Variants in MOB3B observed in about 807,000 individuals in gnomAD.
The protein encoded by MOB3B is MOB kinase activator-like 2B.
MOB3B carries 7 observed loss-of-function variants against 18.7 expected under a neutral mutation model. The ratio of observed to expected loss-of-function variants is 0.37; its 90% CI spans 0.21 to 0.70. The LOEUF is 0.70. Among genes scored for constraint, MOB3B ranks in the 30% least tolerant of loss-of-function variants. The pLI is 0.52. For missense variants in MOB3B, 253 were observed against 281.3 expected (o/e 0.90, Z 0.72); for synonymous variants, 111 against 99.9 (o/e 1.11, Z -0.66).
At chr9:27,417,184 A>G (rs1822163883) in intron 2 of MOB3B, among the ~76,000 whole-genome samples, 1 of 152,140 alleles carries the variant, frequency 6.6e-6, no homozygotes, top group South Asian at 2.1e-4. Context: ...TAACACCGTG[A>G]AACCCCGTCT....
intron 2 of MOB3B, among the ~76,000 whole-genome samples, chr9:27,425,062 CA>C (rs1256192709): frequency 1.3e-5 from 2 of 152,148 alleles, no homozygotes; most frequent in Non-Finnish European, 2.9e-5. Context: ...GTTTTTGTTA[CA>C]GGAAAATCCT....
At chr9:27,396,929 T>C (rs948581756) in intron 2 of MOB3B, 1 of 152,240 alleles carries the variant, frequency 6.6e-6, no homozygotes, top group African/African-American at 2.4e-5. Context: ...TAATGACTTG[T>C]GCAAGGCCAA....
chr9:27,487,755 C>A (rs746207000), intron 1 of MOB3B, among the ~76,000 whole-genome samples: 1 of 152,178 alleles, frequency 6.6e-6, no homozygotes, highest in Non-Finnish European at 1.5e-5. Flanking sequence ...AATGACTCAA[C>A]TATTTCCATA....
chr9:27,490,619 GGGT>G (rs775378372), intron 1 of MOB3B, among the ~76,000 whole-genome samples: 14 of 152,258 alleles, frequency 9.2e-5, no homozygotes, highest in Non-Finnish European at 1.9e-4. Context: ...GAGGAACCTA[GGGT>G]GGCTCAGGAG....
rs1820498219 is a variant in MOB3B at position 27,529,535 on chromosome 9, T to A, written c.-199+20A>T. ...CCGGGCTGCGCCGCCTCCCCTAGCTTGGAGCGGGTTCTTACTCACCGTGGG... is the reference window on the plus strand; with the variant it reads ...CCGGGCTGCGCCGCCTCCCCTAGCTAGGAGCGGGTTCTTACTCACCGTGGG... On this transcript the variant is annotated intron_variant, in intron 1 of 3. Transcript: ENST00000262244. The A allele has an allele frequency of 4.1e-6, 4 of 984,938 alleles. No homozygotes were observed. The highest frequency in any genetic ancestry group is 6.1e-5 in the Admixed American group (1 of 16,268). The allele number at this position is 984,938 out of a possible 1,614,324, so 61.0% of individuals were successfully genotyped here. A position where few individuals can be genotyped will look rare whatever the true frequency, so the allele number is the denominator to read the frequency against.
At chr9:27,428,318 C>T (rs1822367826) in intron 2 of MOB3B, among the ~76,000 whole-genome samples, 1 of 152,128 alleles carries the variant, frequency 6.6e-6, no homozygotes, top group Admixed American at 6.6e-5. Flanking sequence ...GCAATATGAT[C>T]TCAGGCAGAG....
intron 1 of MOB3B, chr9:27,526,133 C>T (rs1587281330): frequency 6.6e-6 from 1 of 152,236 alleles, no homozygotes; most frequent in Non-Finnish European, 1.5e-5. Flanking sequence ...ATGCCACTAA[C>T]AGCATGCTGC....
At chr9:27,336,451 T>C (rs1338012227) in intron 3 of MOB3B, among the ~76,000 whole-genome samples, 2 of 151,950 alleles carry the variant, frequency 1.3e-5, no homozygotes, top group Admixed American at 6.5e-5. Context: ...AAACAAAAAA[T>C]AATCAAGGAA....
chr9:27,511,671 G>C (rs1255302211), intron 1 of MOB3B, among the ~76,000 whole-genome samples: 1 of 152,016 alleles, frequency 6.6e-6, no homozygotes, highest in African/African-American at 2.4e-5. Flanking sequence ...CATTTCAACA[G>C]TACTTCTACT....
intron 1 of MOB3B, among the ~76,000 whole-genome samples, chr9:27,478,699 G>A (rs541774125): frequency 5.2e-4 from 79 of 152,042 alleles, no homozygotes; most frequent in African/African-American, 1.6e-3. Context: ...GAAGGAGTAG[G>A]TTATGTGAGA....
intron 1 of MOB3B, among the ~76,000 whole-genome samples, chr9:27,474,976 C>T (rs1886593): frequency 0.25 from 37,798 of 152,112 alleles, 5,338 homozygotes; most frequent in South Asian, 0.4. Flanking sequence ...GAAGGCTGGA[C>T]CCAGAGACTG....
chr9:27,412,763 C>T (rs1468866213), intron 2 of MOB3B, among the ~76,000 whole-genome samples: 3 of 152,242 alleles, frequency 2.0e-5, no homozygotes, highest in African/African-American at 7.2e-5. Flanking sequence ...TGAACAGAAA[C>T]AGTGACCGTG....
chr9:27,369,312 T>G (rs1821381987), intron 2 of MOB3B, among the ~76,000 whole-genome samples: 1 of 152,228 alleles, frequency 6.6e-6, no homozygotes, highest in African/African-American at 2.4e-5. Context: ...AGTAGAATCT[T>G]TCTTCCATTA....
At chr9:27,489,349 GA>G (rs1251913948) in intron 1 of MOB3B, among the ~76,000 whole-genome samples, 1 of 152,046 alleles carries the variant, frequency 6.6e-6, no homozygotes, top group Non-Finnish European at 1.5e-5. Flanking sequence ...GCTTCTGTCA[GA>G]CCTTAGACTT....
intron 1 of MOB3B, among the ~76,000 whole-genome samples, chr9:27,480,508 G>C (rs1819633783): frequency 6.6e-6 from 1 of 152,130 alleles, no homozygotes; most frequent in Non-Finnish European, 1.5e-5. Flanking sequence ...CACAATGTTA[G>C]CCAGGATGGT....
At chr9:27,487,153 A>AAATAAATAAATAAATAAAAAAAAT (rs1241652908) in intron 1 of MOB3B, among the ~76,000 whole-genome samples, 1 of 22,846 alleles carries the variant, frequency 4.4e-5, no homozygotes, top group African/African-American at 6.6e-5. Context: ...ATAAATAAAT[A>AAATAAATAAATAAATAAAAAAAAT]AAATAAATAA....
intron 2 of MOB3B, 104 bp from the exon 3 acceptor site, chr9:27,359,340 T>G: frequency 1.0e-5 from 7 of 677,294 alleles, no homozygotes; most frequent in South Asian, 1.5e-5. Flanking sequence ...ACAGGGAGAC[T>G]GGCACCCGTC....
intron 2 of MOB3B, among the ~76,000 whole-genome samples, chr9:27,424,419 G>A (rs1213327816): frequency 6.6e-6 from 1 of 152,176 alleles, no homozygotes; most frequent in Non-Finnish European, 1.5e-5. Context: ...CAGGAACAGG[G>A]CAGGTCCCCA....
chr9:27,416,107 TA>T (rs1450519108), intron 2 of MOB3B, among the ~76,000 whole-genome samples: 7 of 152,196 alleles, frequency 4.6e-5, no homozygotes, highest in East Asian at 1.9e-4. Context: ...TCCTGATTGA[TA>T]AAATGATTTT....
Sources: gnomAD v4.1 joint callset for allele counts (sites outside exome capture counted in the v4.1 genomes callset) on GRCh38, gnomAD v4.1.1 for gene constraint, MANE v1.5 for transcripts, NCBI Gene and HGNC (gene_info 2026-07-23, HGNC 2026-07-21) for gene names.